The following KYAT3 variants were observed in gnomAD, a reference collection of about 807,000 sequenced individuals.
KYAT3 encodes kynurenine aminotransferase 3.
Under a neutral mutation model 59.0 loss-of-function variants are expected in KYAT3, and 50 were observed. The observed-to-expected ratio is 0.85, with a 90% CI of 0.68 to 1.07. KYAT3 has a LOEUF of 1.07. Among genes scored for constraint, KYAT3 ranks in the 50% least tolerant of loss-of-function variants. The probability of loss-of-function intolerance (pLI) is 0.00; values close to 1 mark genes in which losing one functional copy is unlikely to be tolerated. For missense variants in KYAT3, 497 were observed against 533.3 expected (o/e 0.93, Z 0.67); for synonymous variants, 148 against 177.0 (o/e 0.84, Z 1.30).
intron 2 of KYAT3, chr1:88,983,662 G>T (rs139883421): frequency 6.2e-7 from 1 of 1,613,804 alleles, no homozygotes. Flanking sequence ...GGCTTTCAAA[G>T]GTGACAAAAG....
chr1:88,932,607 C>T, downstream of KYAT3, among the ~76,000 whole-genome samples: 1 of 152,138 alleles, frequency 6.6e-6, no homozygotes, highest in East Asian at 1.9e-4. Flanking sequence ...AATCCTCCCC[C>T]TCAGTCTCCC....
intron 4 of KYAT3, among the ~76,000 whole-genome samples, chr1:88,965,502 C>T (rs1676314356): frequency 1.3e-5 from 2 of 152,306 alleles, no homozygotes; most frequent in African/African-American, 4.8e-5. Flanking sequence ...TGAGACACTA[C>T]TCACACTGAC....
chr1:88,983,867 C>A (rs111754940), intron 2 of KYAT3: 5 of 1,607,056 alleles, frequency 3.1e-6, no homozygotes, highest in South Asian at 1.1e-5. Flanking sequence ...ACAGTGGGTT[C>A]AAGCTCCAAC....
chr1:88,992,787 G>A (rs1369456083), upstream of KYAT3: 1 of 152,244 alleles, frequency 6.6e-6, no homozygotes, highest in African/African-American at 2.4e-5. Flanking sequence ...TTTGGGAGGG[G>A]AGGGGCGGGA....
At chr1:88,939,491 T>C (rs1316447710) in intron 13 of KYAT3, among the ~76,000 whole-genome samples, 3 of 152,194 alleles carry the variant, frequency 2.0e-5, no homozygotes, top group Non-Finnish European at 4.4e-5. Flanking sequence ...TTGATCTTAC[T>C]GTCTAGGTGA....
chr1:88,923,565 C>A, the KYAT3 span: 1,304 of 159,788 alleles, frequency 8.2e-3, 16 homozygotes, highest in African/African-American at 0.03. Flanking sequence ...GATCCAGACA[C>A]CAGGAGCCTA....
chr1:88,952,038 A>G (rs974492412), intron 10 of KYAT3, among the ~76,000 whole-genome samples: 1 of 152,208 alleles, frequency 6.6e-6, no homozygotes, highest in Admixed American at 6.5e-5. Context: ...CTTCAGAAGG[A>G]ACACAGCAAT....
downstream of KYAT3, among the ~76,000 whole-genome samples, chr1:88,931,326 G>A (rs973831345): frequency 2.0e-5 from 3 of 152,088 alleles, no homozygotes; most frequent in African/African-American, 7.2e-5. Flanking sequence ...TTCCAGAATC[G>A]AAGCTGTAAA....
intron 2 of KYAT3, among the ~76,000 whole-genome samples, chr1:88,973,785 C>A (rs550829901): frequency 6.6e-6 from 1 of 152,084 alleles, no homozygotes; most frequent in East Asian, 1.9e-4. Context: ...TTGGACAGAT[C>A]GAAAAAAACT....
At chr1:88,963,353 G>A (rs983531443) in intron 5 of KYAT3, among the ~76,000 whole-genome samples, 1 of 152,158 alleles carries the variant, frequency 6.6e-6, no homozygotes, top group African/African-American at 2.4e-5. Flanking sequence ...AGGATTAAAG[G>A]AGTTTATGTA....
intron 2 of KYAT3, among the ~76,000 whole-genome samples, chr1:88,977,545 G>T (rs952014783): frequency 3.3e-5 from 5 of 151,992 alleles, no homozygotes; most frequent in Admixed American, 6.6e-5. Context: ...CACCATGTTG[G>T]CCAGGCTGGT....
At chr1:88,921,636 T>A in the KYAT3 span, among the ~76,000 whole-genome samples, 1 of 152,172 alleles carries the variant, frequency 6.6e-6, no homozygotes, top group Non-Finnish European at 1.5e-5. Flanking sequence ...TTAGTCAGGG[T>A]TCTCCAGAGA....
chr1:88,941,326 A>G (rs887477783), intron 13 of KYAT3, among the ~76,000 whole-genome samples: 1 of 152,206 alleles, frequency 6.6e-6, no homozygotes, highest in Non-Finnish European at 1.5e-5. Flanking sequence ...AGGTTTAAAG[A>G]TGAGTGAGTT....
chr1:88,950,085 C>T (rs1675612131), intron 10 of KYAT3, among the ~76,000 whole-genome samples: 1 of 152,162 alleles, frequency 6.6e-6, no homozygotes, highest in Non-Finnish European at 1.5e-5. Context: ...CAGCAAAAGG[C>T]ACCATCCGTG....
At chr1:88,921,972 G>C in the KYAT3 span, among the ~76,000 whole-genome samples, 1 of 152,134 alleles carries the variant, frequency 6.6e-6, no homozygotes, top group Non-Finnish European at 1.5e-5. Context: ...TAAACATCCA[G>C]AATAACATTT....
chr1:88,971,825 G>A (rs748448458), intron 2 of KYAT3, among the ~76,000 whole-genome samples: 12 of 152,144 alleles, frequency 7.9e-5, no homozygotes, highest in Non-Finnish European at 1.6e-4. Flanking sequence ...AGGGTCAGGT[G>A]CTTCTCCTAT....
chr1:88,966,346 C>T (rs1676351819), intron 4 of KYAT3, among the ~76,000 whole-genome samples: 2 of 152,168 alleles, frequency 1.3e-5, no homozygotes, highest in African/African-American at 4.8e-5. Flanking sequence ...AATATTTAGT[C>T]TCTCAATCCA....
the KYAT3 span, among the ~76,000 whole-genome samples, chr1:88,927,547 C>T: frequency 6.6e-6 from 1 of 151,992 alleles, no homozygotes; most frequent in Non-Finnish European, 1.5e-5. Context: ...ACCCCAGTGT[C>T]CCCCTGACTC....
intron 2 of KYAT3, among the ~76,000 whole-genome samples, chr1:88,987,896 A>G (rs1285320541): frequency 1.3e-5 from 2 of 152,136 alleles, no homozygotes; most frequent in African/African-American, 4.8e-5. Context: ...AGATGTACGT[A>G]TTGTATTTGG....
Sources: allele counts gnomAD v4.1 joint callset (sites outside exome capture counted in the v4.1 genomes callset), GRCh38; gene constraint gnomAD v4.1.1; transcripts MANE v1.5; gene names NCBI Gene and HGNC (gene_info 2026-07-23, HGNC 2026-07-21).